OSBPL11: variants seen among roughly 807,000 people sequenced by gnomAD.
The protein encoded by OSBPL11 is oxysterol binding protein like 11.
A neutral mutation model predicts 84.4 loss-of-function variants in OSBPL11; 33 were observed. The observed-to-expected ratio is 0.39, with a 90% CI of 0.30 to 0.52. The LOEUF is 0.52. OSBPL11 is among the 20% of genes least tolerant of loss of function. The pLI is 0.72. For synonymous variants in OSBPL11, 276 were observed against 310.2 expected (o/e 0.89, Z 1.16); for missense variants, 736 against 901.1 (o/e 0.82, Z 2.35).
At chr3:125,547,657 A>G (rs1935839875) in intron 9 of OSBPL11, 65 bp from the exon 10 acceptor site, 3 of 1,297,440 alleles carry the variant, frequency 2.3e-6, no homozygotes, top group South Asian at 1.5e-5. Context: ...AACAATCCAT[A>G]TTAATTTTGT....
chr3:125,539,300 C>CATATATATATATATAT (rs10678056), intron 10 of OSBPL11, among the ~76,000 whole-genome samples: 3 of 67,804 alleles, frequency 4.4e-5, no homozygotes, highest in South Asian at 5.2e-4. Flanking sequence ...TCACCACAGC[C>CATATATATATATATAT]ATATATATAT....
chr3:125,534,050 C>G (rs951196660), intron 11 of OSBPL11, among the ~76,000 whole-genome samples: 4 of 152,094 alleles, frequency 2.6e-5, no homozygotes, highest in Non-Finnish European at 5.9e-5. Context: ...TGGTCTCAAA[C>G]TCTTGGGCTT....
At chr3:125,556,362 T>G (rs1338735341) in intron 8 of OSBPL11, among the ~76,000 whole-genome samples, 1 of 152,190 alleles carries the variant, frequency 6.6e-6, no homozygotes, top group East Asian at 1.9e-4. Flanking sequence ...GTTCTTAGTC[T>G]CCTCTCCATG....
intron 12 of OSBPL11, among the ~76,000 whole-genome samples, chr3:125,530,984 C>CTTT (rs10663462): frequency 0.11 from 16,379 of 148,020 alleles, 1,984 homozygotes; most frequent in African/African-American, 0.31. Context: ...TTTTTCTTTC[C>CTTT]TTTTTTTTTT....
At chr3:125,580,455 A>G (rs891020229) in intron 2 of OSBPL11, among the ~76,000 whole-genome samples, 6 of 144,508 alleles carry the variant, frequency 4.2e-5, no homozygotes, top group Non-Finnish European at 8.9e-5. Flanking sequence ...CAGCGGTTGC[A>G]CTGCACTAAG....
chr3:125,589,739 G>A (rs557092013), intron 1 of OSBPL11, among the ~76,000 whole-genome samples: 297 of 152,118 alleles, frequency 2.0e-3, no homozygotes, highest in African/African-American at 6.8e-3. Flanking sequence ...TCCCATCCGC[G>A]AACAGGCACT....
chr3:125,563,802 T>A lies in OSBPL11; in HGVS notation c.910A>T (p.Asn304Tyr), dbSNP rs994959332. ...EWLEPKISLS[N>Y]HYKNGADQPF... ...TGGTCAGCTCCATTTTTATAGTGGT[T>A]TGATAAAGATATCTTTGGTTCTAAC... Residue 304 changes from asparagine (N) to tyrosine (Y), a missense_variant, in exon 7 of 13, where the codon AAC (asparagine) becomes TAC (tyrosine). Transcript: ENST00000296220. The A allele has an allele frequency of 8.2e-5, 132 of 1,614,094 alleles. No homozygotes were observed. Among genetic ancestry groups the A allele is most frequent in the Non-Finnish European group, 1.1e-4 (130 of 1,180,040 alleles).
chr3:125,542,637 T>C (rs140056335), intron 10 of OSBPL11, among the ~76,000 whole-genome samples: 10,137 of 151,780 alleles, frequency 0.067, 456 homozygotes, highest in Non-Finnish European at 0.098. Context: ...GCTTCCCGAG[T>C]AGCTGGGACT....
intron 7 of OSBPL11, among the ~76,000 whole-genome samples, chr3:125,561,319 A>G (rs1237688322): frequency 1.3e-5 from 2 of 152,182 alleles, no homozygotes; most frequent in Admixed American, 6.6e-5. Flanking sequence ...TTTTATACAC[A>G]TTTATAATCA....
chr3:125,569,906 G>A (rs1488442110), intron 5 of OSBPL11, among the ~76,000 whole-genome samples: 2 of 152,230 alleles, frequency 1.3e-5, no homozygotes, highest in African/African-American at 4.8e-5. Flanking sequence ...GAGGAAGGGT[G>A]TTGTGATGAG....
At chr3:125,580,854 T>A (rs1284711701) in intron 2 of OSBPL11, among the ~76,000 whole-genome samples, 1 of 152,172 alleles carries the variant, frequency 6.6e-6, no homozygotes, top group Non-Finnish European at 1.5e-5. Context: ...AAAAAAGATT[T>A]TGTGAATGAA....
chr3:125,593,858 C>A (rs762216075), intron 1 of OSBPL11, among the ~76,000 whole-genome samples: 1 of 152,132 alleles, frequency 6.6e-6, no homozygotes. Context: ...CCCTTTAGTT[C>A]CAATACGATG....
chr3:125,561,510 T>C (rs900151487), intron 7 of OSBPL11, among the ~76,000 whole-genome samples: 27 of 152,248 alleles, frequency 1.8e-4, no homozygotes, highest in African/African-American at 6.3e-4. Context: ...ACAAATCCAA[T>C]TGATTTTTCA....
intron 2 of OSBPL11, among the ~76,000 whole-genome samples, chr3:125,581,737 T>A (rs551666036): frequency 1.4e-5 from 2 of 143,848 alleles, no homozygotes; most frequent in African/African-American, 5.2e-5. Flanking sequence ...TAAAAAGGGC[T>A]GGATGAGTTG....
intron 1 of OSBPL11, among the ~76,000 whole-genome samples, chr3:125,586,240 C>CG (rs1936508351): frequency 6.6e-6 from 1 of 152,138 alleles, no homozygotes; most frequent in Non-Finnish European, 1.5e-5. Flanking sequence ...CCAAAACAGA[C>CG]TAATACACTA....
At chr3:125,586,934 TA>T (rs1184494888) in intron 1 of OSBPL11, among the ~76,000 whole-genome samples, 1 of 152,192 alleles carries the variant, frequency 6.6e-6, no homozygotes, top group African/African-American at 2.4e-5. Context: ...CAATACCTAC[TA>T]AAGCACAGCA....
At chr3:125,564,998 A>T (rs1325083084) in intron 6 of OSBPL11, among the ~76,000 whole-genome samples, 1 of 152,220 alleles carries the variant, frequency 6.6e-6, no homozygotes, top group African/African-American at 2.4e-5. Flanking sequence ...TTTATTGAGC[A>T]TCTAATATCT....
At chr3:125,564,457 T>C (rs1056273131) in intron 6 of OSBPL11, among the ~76,000 whole-genome samples, 5 of 152,252 alleles carry the variant, frequency 3.3e-5, no homozygotes, top group African/African-American at 1.2e-4. Context: ...ACCTGTCATC[T>C]TCTCGGTTAA....
chr3:125,565,233 G>GA (rs1314490479), intron 6 of OSBPL11, among the ~76,000 whole-genome samples: 2 of 151,946 alleles, frequency 1.3e-5, no homozygotes, highest in Non-Finnish European at 2.9e-5. Flanking sequence ...AACAGAGTGA[G>GA]AAGAAATATA....
Sources: allele counts gnomAD v4.1 joint callset (sites outside exome capture counted in the v4.1 genomes callset), GRCh38; gene constraint gnomAD v4.1.1; transcripts MANE v1.5; gene names NCBI Gene and HGNC (gene_info 2026-07-23, HGNC 2026-07-21).